Variants in ANO3 observed in about 807,000 individuals in gnomAD.
ANO3 encodes anoctamin-3.
Under a neutral mutation model 144.8 loss-of-function variants are expected in ANO3, and 99 were observed. The observed-to-expected ratio is 0.68, with a 90% CI of 0.58 to 0.81. The LOEUF is 0.81. Among genes scored for constraint, ANO3 ranks in the 30% least tolerant of loss-of-function variants. ANO3 has a pLI of 0.00. For missense variants in ANO3, 905 were observed against 1,202.2 expected (o/e 0.75, Z 3.66); for synonymous variants, 414 against 392.6 (o/e 1.05, Z -0.64).
At chr11:26,603,979 A>G (rs1350011958) in intron 17 of ANO3, among the ~76,000 whole-genome samples, 3 of 152,042 alleles carry the variant, frequency 2.0e-5, no homozygotes, top group Admixed American at 1.3e-4. Context: ...TTTTCTAGCT[A>G]TTTTGTAATG....
At chr11:26,214,174 T>A (rs1851991295) in intron 1 of ANO3, among the ~76,000 whole-genome samples, 1 of 151,980 alleles carries the variant, frequency 6.6e-6, no homozygotes, top group South Asian at 2.1e-4. Flanking sequence ...ATTGACAAAG[T>A]GAAGCAAGCC....
rs145737584 is a variant in ANO3 at position 26,235,742 on chromosome 11, T to C, written c.154+46412T>C. Among the ~76,000 whole-genome samples the C allele has an allele frequency of 2.7e-3, 414 of 152,144 alleles. 9 individuals are homozygous for C. The highest frequency in any genetic ancestry group is 0.02 in the Admixed American group (304 of 15,270). On this transcript the variant is annotated intron_variant, in intron 1 of 27. Coordinates refer to the ANO3 transcript ENST00000672621. ...TTCATATGATATACAGTAGGCTCTA[T>C]TGTTTCTATTTTAGACCATTTTGTG...
At chr11:26,603,752 G>A (rs75533377) in intron 17 of ANO3, among the ~76,000 whole-genome samples, 23,494 of 151,928 alleles carry the variant, frequency 0.15, 2,091 homozygotes, top group East Asian at 0.33. Context: ...AAAAAATGTG[G>A]CACACCCTTT....
intron 1 of ANO3, among the ~76,000 whole-genome samples, chr11:26,230,439 T>C (rs552118702): frequency 3.9e-4 from 60 of 152,260 alleles, no homozygotes; most frequent in Admixed American, 6.5e-4. Context: ...TGATATTCTT[T>C]CAATTTCATA....
chr11:26,405,665 C>T (rs1333386131), intron 1 of ANO3, among the ~76,000 whole-genome samples: 3 of 151,940 alleles, frequency 2.0e-5, no homozygotes, highest in East Asian at 1.9e-4. Flanking sequence ...GGCAAAATTA[C>T]ATATGCAACT....
intron 14 of ANO3, among the ~76,000 whole-genome samples, chr11:26,577,981 A>T (rs1851033730): frequency 6.6e-6 from 1 of 152,208 alleles, no homozygotes; most frequent in South Asian, 2.1e-4. Flanking sequence ...CTATGAATGT[A>T]ATTATTGAAT....
At chr11:26,317,951 C>A (rs553134779) in intron 1 of ANO3, among the ~76,000 whole-genome samples, 1 of 152,264 alleles carries the variant, frequency 6.6e-6, no homozygotes, top group East Asian at 1.9e-4. Context: ...AGTTCATGTC[C>A]TTTGCAGGCA....
intron 1 of ANO3, among the ~76,000 whole-genome samples, chr11:26,212,719 G>A (rs917905773): frequency 6.6e-6 from 1 of 151,912 alleles, no homozygotes; most frequent in Non-Finnish European, 1.5e-5. Flanking sequence ...AAAGGAGCTG[G>A]TACCATTCCT....
At chr11:26,550,511 A>AT (rs1171279584) in intron 12 of ANO3, among the ~76,000 whole-genome samples, 4 of 151,954 alleles carry the variant, frequency 2.6e-5, no homozygotes, top group African/African-American at 9.7e-5. Flanking sequence ...TATAAGTTGA[A>AT]TTATTCAGTA....
At chr11:26,647,398 G>A (rs1853380098) in intron 23 of ANO3, among the ~76,000 whole-genome samples, 1 of 152,180 alleles carries the variant, frequency 6.6e-6, no homozygotes, top group Non-Finnish European at 1.5e-5. Flanking sequence ...GCCTCAGCAA[G>A]TTCTGTAAAT....
chr11:26,500,930 A>G (rs1602939), intron 4 of ANO3, among the ~76,000 whole-genome samples: 91,005 of 151,990 alleles, frequency 0.6, 27,936 homozygotes, highest in East Asian at 0.68. Context: ...TCTCTAATTT[A>G]GGAGTGTAAA....
intron 12 of ANO3, among the ~76,000 whole-genome samples, chr11:26,548,147 C>A (rs1476511737): frequency 6.6e-6 from 1 of 150,764 alleles, no homozygotes; most frequent in South Asian, 2.1e-4. Context: ...TCTGGAGGAA[C>A]AAATATTTAT....
At chr11:26,404,074 G>A (rs1277843211) in intron 1 of ANO3, among the ~76,000 whole-genome samples, 1 of 151,624 alleles carries the variant, frequency 6.6e-6, no homozygotes, top group Non-Finnish European at 1.5e-5. Flanking sequence ...TGCATTTATT[G>A]ACAGTTTTTT....
chr11:26,544,940 A>G (rs575196051), intron 11 of ANO3, among the ~76,000 whole-genome samples: 2 of 152,096 alleles, frequency 1.3e-5, no homozygotes, highest in African/African-American at 4.8e-5. Flanking sequence ...TACTCACCCA[A>G]GAGAAAGTTT....
intron 1 of ANO3, among the ~76,000 whole-genome samples, chr11:26,272,528 G>A (rs750029588): frequency 3.9e-5 from 6 of 152,132 alleles, no homozygotes; most frequent in Non-Finnish European, 8.8e-5. Context: ...AAGAAATGAA[G>A]TCATTTTATG....
intron 7 of ANO3, among the ~76,000 whole-genome samples, chr11:26,528,747 AC>A (rs1849229446): frequency 6.6e-6 from 1 of 151,882 alleles, no homozygotes; most frequent in African/African-American, 2.4e-5. Context: ...TCCAACTCCT[AC>A]CCCATTGCTT....
At chr11:26,421,414 T>C (rs1293225409) in intron 1 of ANO3, among the ~76,000 whole-genome samples, 1 of 151,962 alleles carries the variant, frequency 6.6e-6, no homozygotes, top group African/African-American at 2.4e-5. Flanking sequence ...CCCAATAGTA[T>C]AGAAAAGTGT....
chr11:26,423,792 C>A (rs1857830930), intron 1 of ANO3, among the ~76,000 whole-genome samples: 1 of 151,878 alleles, frequency 6.6e-6, no homozygotes, highest in Admixed American at 6.6e-5. Context: ...CATGGTAATG[C>A]ACCATCCAGG....
chr11:26,340,384 C>T (rs1855325362), intron 1 of ANO3, among the ~76,000 whole-genome samples: 1 of 152,182 alleles, frequency 6.6e-6, no homozygotes, highest in African/African-American at 2.4e-5. Context: ...TACCTGATAT[C>T]TGGAGCAATT....
Sources: allele counts gnomAD v4.1 joint callset (sites outside exome capture counted in the v4.1 genomes callset), GRCh38; gene constraint gnomAD v4.1.1; transcripts MANE v1.5; gene names NCBI Gene and HGNC (gene_info 2026-07-23, HGNC 2026-07-21).